The following GALNT13 variants were observed in gnomAD, a reference collection of about 807,000 sequenced individuals.
GALNT13 encodes polypeptide N-acetylgalactosaminyltransferase 13.
A neutral mutation model predicts 64.2 loss-of-function variants in GALNT13; 28 were observed. That is an observed-to-expected ratio of 0.44 (90% CI 0.32 to 0.60). The LOEUF is 0.60. GALNT13 is among the 20% of genes least tolerant of loss of function. The pLI, the probability that GALNT13 is intolerant of heterozygous loss-of-function variation, is 0.05. For synonymous variants in GALNT13, 214 were observed against 224.6 expected, an observed-to-expected ratio of 0.95 and a Z score of 0.42; for missense variants, 577 against 669.8, an observed-to-expected ratio of 0.86 and a Z score of 1.53.
intron 11 of GALNT13, chr2:154,409,380 T>C (rs1044597800): frequency 2.0e-5 from 6 of 306,712 alleles, no homozygotes; most frequent in African/African-American, 1.3e-4. Context: ...CATTTTATTC[T>C]ATTAACTGAA....
the GALNT13 span, among the ~76,000 whole-genome samples, chr2:153,258,038 A>T: frequency 6.6e-6 from 1 of 152,132 alleles, no homozygotes; most frequent in South Asian, 2.1e-4. Context: ...AGAAGAGAGG[A>T]ATTTACCCAA....
the GALNT13 span, among the ~76,000 whole-genome samples, chr2:153,245,144 A>G: frequency 6.6e-6 from 1 of 152,384 alleles, no homozygotes; most frequent in African/African-American, 2.4e-5. Flanking sequence ...TAAAGCTCTC[A>G]TCTTCCTGGG....
intron 9 of GALNT13, among the ~76,000 whole-genome samples, chr2:154,388,033 A>G (rs905976230): frequency 2.0e-5 from 3 of 152,128 alleles, no homozygotes; most frequent in Non-Finnish European, 4.4e-5. Flanking sequence ...TTATATTTCC[A>G]TCAACAATAT....
At chr2:153,824,804 T>C in the GALNT13 span, among the ~76,000 whole-genome samples, 2 of 152,092 alleles carry the variant, frequency 1.3e-5, no homozygotes, top group Admixed American at 1.3e-4. Context: ...GAGATCTGAT[T>C]GTTTAAAAGT....
At chr2:153,704,619 T>C in the GALNT13 span, among the ~76,000 whole-genome samples, 2 of 152,174 alleles carry the variant, frequency 1.3e-5, no homozygotes, top group Non-Finnish European at 2.9e-5. Flanking sequence ...AGTGTGCATG[T>C]GATTTTAGAG....
chr2:153,484,425 C>T, the GALNT13 span, among the ~76,000 whole-genome samples: 1 of 152,042 alleles, frequency 6.6e-6, no homozygotes, highest in Non-Finnish European at 1.5e-5. Context: ...GCACAAAGAA[C>T]ATTTTTCCTT....
At chr2:153,394,056 A>G in the GALNT13 span, among the ~76,000 whole-genome samples, 3 of 151,776 alleles carry the variant, frequency 2.0e-5, no homozygotes, top group African/African-American at 7.3e-5. Flanking sequence ...TGTGTTAGCC[A>G]ATGAAACGTG....
chr2:154,240,395 G>A (rs1689418074), intron 4 of GALNT13, among the ~76,000 whole-genome samples: 1 of 152,162 alleles, frequency 6.6e-6, no homozygotes, highest in African/African-American at 2.4e-5. Context: ...AGTGTGCTCT[G>A]GGGACCAGCA....
At chr2:153,253,765 T>C in the GALNT13 span, among the ~76,000 whole-genome samples, 6 of 150,832 alleles carry the variant, frequency 4.0e-5, no homozygotes, top group African/African-American at 1.5e-4. Flanking sequence ...ATATGCTGGA[T>C]TACATTTATT....
chr2:154,216,307 C>T (rs934769252), intron 4 of GALNT13, among the ~76,000 whole-genome samples: 1 of 151,996 alleles, frequency 6.6e-6, no homozygotes, highest in African/African-American at 2.4e-5. Flanking sequence ...AAACTAAAAG[C>T]CTATTTATAG....
At chr2:153,794,943 A>G in the GALNT13 span, among the ~76,000 whole-genome samples, 2 of 152,234 alleles carry the variant, frequency 1.3e-5, no homozygotes, top group African/African-American at 4.8e-5. Context: ...TATTTTATAG[A>G]CAAAATAATG....
At chr2:153,672,444 G>C in the GALNT13 span, among the ~76,000 whole-genome samples, 6 of 152,130 alleles carry the variant, frequency 3.9e-5, no homozygotes, top group Non-Finnish European at 7.4e-5. Flanking sequence ...ACCTGCTCCT[G>C]AATGACTACT....
the GALNT13 span, among the ~76,000 whole-genome samples, chr2:153,554,160 CAAA>C: frequency 2.6e-5 from 3 of 115,186 alleles, no homozygotes; most frequent in African/African-American, 3.2e-5. Flanking sequence ...ACTAAAAATA[CAAA>C]AAAAAAAAAA....
chr2:153,535,295 T>C, the GALNT13 span, among the ~76,000 whole-genome samples: 45 of 152,168 alleles, frequency 3.0e-4, no homozygotes, highest in Non-Finnish European at 4.9e-4. Context: ...CAACTCAGGA[T>C]ATCTGATTAG....
intron 3 of GALNT13, among the ~76,000 whole-genome samples, chr2:153,991,717 G>C (rs1232147966): frequency 6.6e-6 from 1 of 152,060 alleles, no homozygotes; most frequent in Non-Finnish European, 1.5e-5. Flanking sequence ...TGGTTAAAGG[G>C]GATAGGCTTG....
chr2:154,297,456 A>G (rs1312585358), intron 8 of GALNT13, among the ~76,000 whole-genome samples: 1 of 152,166 alleles, frequency 6.6e-6, no homozygotes, highest in African/African-American at 2.4e-5. Flanking sequence ...CTAATTTGAT[A>G]GGACTGATAT....
intron 9 of GALNT13, among the ~76,000 whole-genome samples, chr2:154,332,743 T>G (rs1695235642): frequency 6.6e-6 from 1 of 152,108 alleles, no homozygotes; most frequent in African/African-American, 2.4e-5. Flanking sequence ...TGTTACTGAT[T>G]GAGCAAAGTT....
chr2:154,397,449 A>G (rs1293256138), intron 10 of GALNT13, among the ~76,000 whole-genome samples: 1 of 152,208 alleles, frequency 6.6e-6, no homozygotes, highest in Non-Finnish European at 1.5e-5. Context: ...CAACAAAAAT[A>G]AAAGCAATAA....
chr2:153,837,859 T>C, the GALNT13 span, among the ~76,000 whole-genome samples: 1 of 152,182 alleles, frequency 6.6e-6, no homozygotes, highest in South Asian at 2.1e-4. Flanking sequence ...TTTTCCATAA[T>C]GGCTATACCA....
Sources: gnomAD v4.1 joint callset for allele counts (sites outside exome capture counted in the v4.1 genomes callset) on GRCh38, gnomAD v4.1.1 for gene constraint, MANE v1.5 for transcripts, NCBI Gene and HGNC (gene_info 2026-07-23, HGNC 2026-07-21) for gene names.